The following COPB2 variants were observed in gnomAD, a reference collection of about 807,000 sequenced individuals.
The protein encoded by COPB2 is coat protein complex I subunit beta 2.
A neutral mutation model predicts 120.8 loss-of-function variants in COPB2; 16 were observed. That is an observed-to-expected ratio of 0.13 (90% confidence interval 0.09 to 0.20). The LOEUF (loss-of-function observed/expected upper bound fraction) is 0.20, where lower values mean the gene tolerates loss of function less well. Among genes scored for constraint, COPB2 ranks in the 10% least tolerant of loss-of-function variants. The pLI, the probability that COPB2 is intolerant of heterozygous loss-of-function variation, is 1.00. For missense variants in COPB2, 794 were observed against 1,076.5 expected (o/e 0.74, Z 3.67); for synonymous variants, 332 against 366.3 (o/e 0.91, Z 1.07).
chr3:139,384,284 T>C (rs1249266448), intron 1 of COPB2, among the ~76,000 whole-genome samples: 1 of 152,222 alleles, frequency 6.6e-6, no homozygotes, highest in South Asian at 2.1e-4. Flanking sequence ...CACTGAATTA[T>C]GCACATCTTC....
At chr3:139,374,414 T>C (rs1459326614) in intron 7 of COPB2, 75 bp downstream of exon 7, 2 of 1,162,366 alleles carry the variant, frequency 1.7e-6, no homozygotes, top group Non-Finnish European at 2.6e-6. Flanking sequence ...ACAATTATAA[T>C]GCAGAGACAT....
chr3:139,369,299 T>C lies in COPB2; in HGVS notation c.1363A>G (p.Thr455Ala), dbSNP rs1941579661. 6.2e-7 allele frequency: 1 copy of C among 1,613,556 alleles called. No individual in the cohort carries two copies. The highest frequency in any genetic ancestry group is 1.3e-5 in the African/African-American group (1 of 74,880). The change falls in exon 12 of 22, where the codon ACA (threonine) becomes GCA (alanine). Residue 455 changes from threonine (T) to alanine (A), a missense_variant. Thr to Ala is a moderately conservative substitution (Grantham distance 58). Around this residue, in one of 3 missense-constraint regions of COPB2, gnomAD observed 610 missense variants for 866.7 expected, o/e 0.70. Transcript: ENST00000333188. ...NGLAFYDWDN[T>A]ELIRRIEIQP... ...ATTTCAATTCTTCGTATGAGTTCTG[T>C]ATTGTCCCAGTCATAGAAGGCTAAG...
intron 20 of COPB2, 70 bp downstream of exon 20, chr3:139,358,674 C>CT: frequency 2.7e-6 from 3 of 1,106,670 alleles, no homozygotes; most frequent in South Asian, 2.5e-5. Context: ...GAGCGAAACT[C>CT]TGTCTCAAAA....
chr3:139,389,364 C>G (rs1159054139), intron 1 of COPB2, 184 bp downstream of exon 1: 2 of 993,918 alleles, frequency 2.0e-6, no homozygotes, highest in Non-Finnish European at 2.6e-6. Context: ...CCAAATCACC[C>G]CGGTCCCCTA....
intron 2 of COPB2, 137 bp downstream of exon 2, chr3:139,383,161 T>A (rs1576379543): frequency 2.0e-6 from 2 of 990,296 alleles, no homozygotes. Flanking sequence ...TTCCTTCATA[T>A]TTAAAATACT....
intron 9 of COPB2, among the ~76,000 whole-genome samples, chr3:139,372,555 T>G (rs1269520627): frequency 2.0e-5 from 3 of 152,248 alleles, no homozygotes; most frequent in African/African-American, 7.2e-5. Flanking sequence ...CAAATAATTA[T>G]GGATACCATT....
At chr3:139,360,771 T>C (rs1368981839) in intron 17 of COPB2, among the ~76,000 whole-genome samples, 1 of 152,136 alleles carries the variant, frequency 6.6e-6, no homozygotes, top group East Asian at 1.9e-4. Flanking sequence ...AGCAGCTCAA[T>C]AGCCTCCTGC....
chr3:139,375,844 C>T (rs1439321613), intron 5 of COPB2, among the ~76,000 whole-genome samples: 1 of 152,170 alleles, frequency 6.6e-6, no homozygotes, highest in Non-Finnish European at 1.5e-5. Context: ...CAGGCTTTAT[C>T]TCTAGAGATT....
At chr3:139,387,574 T>G (rs767879381) in intron 1 of COPB2, among the ~76,000 whole-genome samples, 2 of 152,226 alleles carry the variant, frequency 1.3e-5, no homozygotes, top group Non-Finnish European at 2.9e-5. Context: ...GGTACACTTG[T>G]GTACACATCT....
chr3:139,379,325 C>T lies in COPB2; in HGVS notation c.228+55G>A, dbSNP rs1403397570. The T allele has an allele frequency of 3.2e-6, 5 of 1,581,102 alleles. No homozygotes were observed. In the African/African-American group the frequency reaches 5.4e-5, roughly 17 times the overall value. ...GAATCAAAATCCTGCAACAAATTTA[C>T]ACAATCATTGACCAATTCAGAAAAT... On this transcript the variant is annotated intron_variant, in intron 3 of 21. Transcript: ENST00000333188.
At chr3:139,373,889 G>A (rs1941670045) in intron 7 of COPB2, 81 bp from the exon 8 acceptor site, 5 of 1,522,714 alleles carry the variant, frequency 3.3e-6, no homozygotes, top group Non-Finnish European at 4.5e-6. Context: ...ACCCATAGAA[G>A]TCTTTCTATT....
Position 139,357,895 on chromosome 3 carries a change from T to G in COPB2, c.2689A>C (p.Ile897Leu). Residue 897 changes from isoleucine (I) to leucine (L), a missense_variant, in exon 22 of 22, where the codon ATC becomes CTC. By Grantham distance (5) the Ile-to-Leu change is conservative. Around this residue, in one of 3 missense-constraint regions of COPB2, gnomAD observed 178 missense variants for 183.2 expected, o/e 0.97. Transcript: ENST00000333188. ...LELEDIDTTD[I>L]NLDEDILDD ...TCCAAAATATCTTCATCCAGATTGA[T>G]ATCTGTTGTGTCAATATCTTCTAAT... 6.3e-7 allele frequency: 1 copy of G among 1,595,198 alleles called. No homozygotes were observed.
chr3:139,378,025 A>G lies in COPB2; in HGVS notation c.504+16T>C. 6.0e-6 allele frequency: 9 copies of G among 1,508,310 alleles called. No individual in the cohort carries two copies. 93.4% of individuals were successfully genotyped at this position (1,508,310 alleles called of 1,614,324 possible). ...TCACTAATAATGATAACTGACACAA[A>G]ATGTGGATGCCCTACCTTGATAGTC... On this transcript the variant is annotated intron_variant, in intron 5 of 21. Coordinates refer to ENST00000333188, the MANE Select transcript of COPB2 (RefSeq NM_004766.3).
intron 1 of COPB2, among the ~76,000 whole-genome samples, chr3:139,388,541 T>C (rs1380134908): frequency 6.6e-6 from 1 of 151,778 alleles, no homozygotes. Context: ...AAACATAATT[T>C]AAAAAAATTT....
At chr3:139,388,395 C>T in intron 1 of COPB2, 1 of 135,142 alleles carries the variant, frequency 7.4e-6, no homozygotes. Context: ...AAAAGAAGGT[C>T]CATGGATTGT....
intron 5 of COPB2, among the ~76,000 whole-genome samples, chr3:139,377,014 G>A (rs1941726175): frequency 6.6e-6 from 1 of 152,180 alleles, no homozygotes; most frequent in African/African-American, 2.4e-5. Flanking sequence ...CTCCCAAAGT[G>A]CTGGGATTAC....
At chr3:139,387,219 G>T (rs1941941295) in intron 1 of COPB2, among the ~76,000 whole-genome samples, 1 of 148,358 alleles carries the variant, frequency 6.7e-6, no homozygotes, top group Non-Finnish European at 1.5e-5. Context: ...AAGAAAGAAA[G>T]AAAGAAAGAA....
intron 8 of COPB2, 93 bp downstream of exon 8, chr3:139,373,573 T>G: frequency 1.3e-6 from 2 of 1,574,298 alleles, no homozygotes; most frequent in Non-Finnish European, 1.7e-6. Flanking sequence ...AGTGCCAGTT[T>G]TATAAAACTG....
chr3:139,361,538 T>C (rs907437664), intron 16 of COPB2, among the ~76,000 whole-genome samples: 7 of 152,224 alleles, frequency 4.6e-5, no homozygotes, highest in Non-Finnish European at 1.0e-4. Context: ...GTCAACCCAT[T>C]ATACTTTTAT....
Sources: gnomAD v4.1 joint callset for allele counts (sites outside exome capture counted in the v4.1 genomes callset) on GRCh38, gnomAD v4.1.1 for gene constraint, gnomAD v4.1.1 regional missense constraint, MANE v1.5 for transcripts, NCBI Gene and HGNC (gene_info 2026-07-23, HGNC 2026-07-21) for gene names.